The following DYNLT2 variants were observed in gnomAD, a reference collection of about 807,000 sequenced individuals.
DYNLT2 encodes dynein light chain Tctex-type 2, also known as dynein light chain Tctex-type protein 2.
A neutral mutation model predicts 24.3 loss-of-function variants in DYNLT2; 24 were observed. The observed-to-expected ratio is 0.99, with a 90% CI of 0.71 to 1.39. DYNLT2 has a LOEUF of 1.39. Among genes scored for constraint, DYNLT2 ranks in the 40% most tolerant of loss-of-function variants. The pLI, the probability that DYNLT2 is intolerant of heterozygous loss-of-function variation, is 0.00. For missense variants in DYNLT2, 246 were observed against 234.5 expected, an observed-to-expected ratio of 1.05 and a Z score of -0.32; for synonymous variants, 85 against 85.4, an observed-to-expected ratio of 1.00 and a Z score of 0.03.
chr6:169,739,503 T>C (rs1269013905), downstream of DYNLT2, among the ~76,000 whole-genome samples: 2 of 152,102 alleles, frequency 1.3e-5, no homozygotes, highest in Non-Finnish European at 2.9e-5. Context: ...GAATGGGAAG[T>C]TGGAGAGAAC....
chr6:169,727,424 G>A, the DYNLT2 span, among the ~76,000 whole-genome samples: 2 of 152,168 alleles, frequency 1.3e-5, no homozygotes, highest in African/African-American at 4.8e-5. Context: ...CTGGAAGGCA[G>A]CTTGTGAGAA....
chr6:169,738,534 G>A (rs1283622491), downstream of DYNLT2, among the ~76,000 whole-genome samples: 1 of 152,108 alleles, frequency 6.6e-6, no homozygotes, highest in African/African-American at 2.4e-5. Context: ...GGGGGAAGGG[G>A]GTTCCCCTTC....
rs747868926 is a variant in DYNLT2, at chr6:169,744,173, C to T, written c.222G>A (p.Trp74Ter). ...ACTTTAATTTTGCCAGGGCACTCTT[C>T]CATTCTTTACCTATATCAGCAATTG... ...DDSIADIGKE[W>*]KSALAKLKFA... Residue 74 changes from tryptophan to a stop codon, truncating the protein, a stop_gained, in exon 2 of 4, where the codon TGG becomes TGA. Coordinates refer to ENST00000366774, the MANE Select transcript of DYNLT2 (RefSeq NM_174910.3). LOFTEE classifies it high-confidence loss of function. 3.7e-6 allele frequency: 6 copies of T among 1,613,320 alleles called. No individual in the cohort carries two copies. The Admixed American group carries it at 5.0e-5, about 13-fold the overall frequency.
At chr6:169,737,326 C>T (rs1448065912), downstream of DYNLT2, among the ~76,000 whole-genome samples, 1 of 152,180 alleles carries the variant, frequency 6.6e-6, no homozygotes, top group Non-Finnish European at 1.5e-5. Context: ...GTCAATTCAT[C>T]CCTCTGATCC....
rs1790077865 is a variant in DYNLT2, at chr6:169,751,545, CCCA to C, written c.-90_-88del. 6.2e-7 allele frequency: 1 copy of C among 1,610,452 alleles called. No individual in the cohort carries two copies. The highest frequency in any genetic ancestry group is 8.5e-7 in the Non-Finnish European group (1 of 1,178,780). On this transcript the variant is annotated 5_prime_UTR_variant, in exon 1 of 4. Transcript: ENST00000366774. ...GCCAGTCCCGCGAGGGCGGAAGTCT[CCCA>C]CCTGCGCCTCGTACGGTAGGAAGTG...
At chr6:169,741,108 A>C (rs1789669403) in intron 3 of DYNLT2, among the ~76,000 whole-genome samples, 1 of 152,144 alleles carries the variant, frequency 6.6e-6, no homozygotes, top group African/African-American at 2.4e-5. Context: ...CGTCTGGCCG[A>C]AAAAGGCCCA....
At chr6:169,728,352 A>C in the DYNLT2 span, among the ~76,000 whole-genome samples, 4 of 152,214 alleles carry the variant, frequency 2.6e-5, no homozygotes, top group Non-Finnish European at 5.9e-5. Flanking sequence ...AGCTGGAAGG[A>C]CAGGAAATGA....
At chr6:169,747,575 T>G (rs1169560976) in intron 1 of DYNLT2, among the ~76,000 whole-genome samples, 6 of 152,200 alleles carry the variant, frequency 3.9e-5, no homozygotes, top group Non-Finnish European at 8.8e-5. Context: ...TTTAGTGTAT[T>G]TTCATCCCTG....
Position 169,743,203 on chromosome 6 carries a change from T to C in DYNLT2, c.363A>G (p.Val121=), listed in dbSNP as rs1789719587. ...SLKDVKYDDK[V]FSHLSLELAD... is the part of the protein sequence containing the mutation. ...CCAATTCAAGTGACAAGTGAGAGAA[T>C]ACTTTATCATCATATTTGACATCTT... Residue 121 remains valine, a synonymous_variant, in exon 3 of 4, where the codon GTA becomes GTG. Coordinates refer to ENST00000366774, the MANE Select transcript of DYNLT2 (RefSeq NM_174910.3). The C allele has an allele frequency of 1.3e-6, 2 of 1,569,416 alleles. No homozygotes were observed. Among genetic ancestry groups the C allele is most frequent in the Non-Finnish European group, 8.7e-7 (1 of 1,151,792 alleles).
chr6:169,742,782 A>T (rs1026507168), intron 3 of DYNLT2, among the ~76,000 whole-genome samples: 1 of 152,080 alleles, frequency 6.6e-6, no homozygotes, highest in Non-Finnish European at 1.5e-5. Flanking sequence ...TATTTTTAGT[A>T]GAGACGGGGT....
chr6:169,744,534 A>G (rs1789751479), intron 1 of DYNLT2, among the ~76,000 whole-genome samples: 1 of 152,180 alleles, frequency 6.6e-6, no homozygotes, highest in African/African-American at 2.4e-5. Context: ...TTGCATGCAT[A>G]TATTTAGAAT....
intron 1 of DYNLT2, among the ~76,000 whole-genome samples, chr6:169,748,289 G>A (rs1233892609): frequency 1.3e-5 from 2 of 152,054 alleles, no homozygotes; most frequent in Non-Finnish European, 2.9e-5. Context: ...TGGCTTCCCA[G>A]GCTCCTAACT....
chr6:169,725,795 G>A, the DYNLT2 span: 4 of 152,864 alleles, frequency 2.6e-5, no homozygotes, highest in Admixed American at 1.3e-4. Context: ...CTGATATAAA[G>A]AATTAGCACA....
intron 1 of DYNLT2, 67 bp downstream of exon 1, chr6:169,751,272 T>C (rs550436320): frequency 1.3e-6 from 2 of 1,553,856 alleles, no homozygotes; most frequent in South Asian, 2.4e-5. Flanking sequence ...CGGGGCCCAC[T>C]GGGGAGCGAT....
At chr6:169,745,938 A>G (rs1340027360) in intron 1 of DYNLT2, among the ~76,000 whole-genome samples, 1 of 152,198 alleles carries the variant, frequency 6.6e-6, no homozygotes, top group East Asian at 1.9e-4. Context: ...TATTGATTCA[A>G]GTTTTAAAAA....
chr6:169,729,765 T>A, the DYNLT2 span, among the ~76,000 whole-genome samples: 5 of 152,112 alleles, frequency 3.3e-5, no homozygotes, highest in East Asian at 9.7e-4. Flanking sequence ...AGATACAAGA[T>A]TCATATTCCT....
the DYNLT2 span, among the ~76,000 whole-genome samples, chr6:169,734,076 T>C: frequency 6.6e-6 from 1 of 152,232 alleles, no homozygotes; most frequent in Non-Finnish European, 1.5e-5. Flanking sequence ...ATGATTTGGC[T>C]CTCTGCTTAC....
rs372752471 is a variant in DYNLT2 at position 169,740,177 on chromosome 6, G to A, written c.*8C>T. On this transcript the variant is annotated 3_prime_UTR_variant, in exon 4 of 4. Coordinates refer to ENST00000366774, the MANE Select transcript of DYNLT2 (RefSeq NM_174910.3). ...CGGAAGTAAACAATCCTTAGTACCTGTAATGAGCTATTCATAATAAAGGGC... is the reference window on the plus strand; with the variant it reads ...CGGAAGTAAACAATCCTTAGTACCTATAATGAGCTATTCATAATAAAGGGC... 6.3e-7 allele frequency: 1 copy of A among 1,575,904 alleles called. No homozygotes were observed. The highest frequency in any genetic ancestry group is 8.7e-7 in the Non-Finnish European group (1 of 1,145,618).
chr6:169,729,981 T>G, the DYNLT2 span, among the ~76,000 whole-genome samples: 2 of 152,364 alleles, frequency 1.3e-5, no homozygotes, highest in Admixed American at 6.5e-5. Flanking sequence ...AGTGCCCATC[T>G]GTTATTTACA....
Sources: gnomAD v4.1 joint callset for allele counts (sites outside exome capture counted in the v4.1 genomes callset) on GRCh38, gnomAD v4.1.1 for gene constraint, MANE v1.5 for transcripts, NCBI Gene and HGNC (gene_info 2026-07-23, HGNC 2026-07-21) for gene names.